TASP1: variants seen among roughly 807,000 people sequenced by gnomAD.
TASP1 encodes the protein taspase 1.
In TASP1, 16 loss-of-function variants were observed where a neutral mutation model predicts 56.6. The ratio of observed to expected loss-of-function variants is 0.28; its 90% CI spans 0.19 to 0.43. The LOEUF (loss-of-function observed/expected upper bound fraction) is 0.43, where lower values mean the gene tolerates loss of function less well. Among genes scored for constraint, TASP1 ranks in the 20% least tolerant of loss-of-function variants. The probability of loss-of-function intolerance (pLI) is 1.00; values close to 1 mark genes in which losing one functional copy is unlikely to be tolerated. For synonymous variants in TASP1, 179 were observed against 184.2 expected (o/e 0.97, Z 0.23); for missense variants, 393 against 511.6 (o/e 0.77, Z 2.24).
intron 8 of TASP1, among the ~76,000 whole-genome samples, chr20:13,554,194 G>A (rs1485275281): frequency 1.3e-5 from 2 of 152,112 alleles, no homozygotes; most frequent in Non-Finnish European, 2.9e-5. Flanking sequence ...GTTAGCCCTA[G>A]CATCATCAGA....
At chr20:13,547,976 A>G (rs76738413) in intron 8 of TASP1, among the ~76,000 whole-genome samples, 2,564 of 152,250 alleles carry the variant, frequency 0.017, 72 homozygotes, top group African/African-American at 0.056. Flanking sequence ...TTGGAGCAGC[A>G]CAATAGCTTA....
At chr20:13,540,329 CAA>C (rs2045574814) in intron 8 of TASP1, among the ~76,000 whole-genome samples, 1 of 152,116 alleles carries the variant, frequency 6.6e-6, no homozygotes, top group Non-Finnish European at 1.5e-5. Context: ...AATTCTAAAT[CAA>C]AATTTATAAG....
In TASP1 at chr20:13,630,147, A is replaced by G. The variant is rs73270744; in HGVS notation, c.-69T>C. ...ATCCAAAAGTAATTGCAGGAGAGGA[A>G]TTACCCTAAAGGAAAACAGGCAAAG... On this transcript the variant is annotated 5_prime_UTR_variant, in exon 2 of 14. Transcript: ENST00000337743. The G allele has an allele frequency of 8.6e-5, 132 of 1,537,320 alleles. No individual in the cohort carries two copies. The African/African-American group carries it at 1.7e-3, about 19-fold the overall frequency.
At chr20:13,299,489 C>T in the TASP1 span, 16 of 1,569,202 alleles carry the variant, frequency 1.0e-5, no homozygotes, top group African/African-American at 1.3e-5. The surrounding 1 kb of genome is among the most constrained non-coding windows in gnomAD (Gnocchi z 5.8). Context: ...AGGACGCTGC[C>T]TCTGGTTCTG....
intron 12 of TASP1, among the ~76,000 whole-genome samples, chr20:13,427,600 A>AG (rs2042661282): frequency 6.6e-6 from 1 of 152,214 alleles, no homozygotes; most frequent in Admixed American, 6.5e-5. Flanking sequence ...CAGGAAAAGC[A>AG]GGGGGTAAAC....
the TASP1 span, among the ~76,000 whole-genome samples, chr20:13,343,108 G>C: frequency 7.2e-5 from 11 of 152,140 alleles, no homozygotes; most frequent in African/African-American, 2.2e-4. Flanking sequence ...TCCCTTCAAC[G>C]GCCTCTCTGA....
At chr20:13,538,986 T>A (rs1453473654) in intron 8 of TASP1, among the ~76,000 whole-genome samples, 1 of 152,052 alleles carries the variant, frequency 6.6e-6, no homozygotes, top group Non-Finnish European at 1.5e-5. Context: ...AGGTGGAGGT[T>A]GCAGTGAGCC....
rs983698043 is a variant in TASP1, at chr20:13,415,228, A to C, written c.1170+2220T>G. Among the ~76,000 whole-genome samples, 6 of 152,170 alleles carry C rather than the reference A, an allele frequency of 3.9e-5. No individual in the cohort carries two copies. The South Asian group carries it at 6.2e-4, about 16-fold the overall frequency. On this transcript the variant is annotated intron_variant, in intron 13 of 13. Transcript: ENST00000337743. ...AGTTAGTTCAACTATTCTTTTATAG[A>C]AGTCAGGAAACCAGAGGGAGAGGAA...
At chr20:13,396,507 A>G (rs1423180031) in intron 13 of TASP1, among the ~76,000 whole-genome samples, 1 of 152,228 alleles carries the variant, frequency 6.6e-6, no homozygotes, top group Admixed American at 6.5e-5. Context: ...ACGGAAAATG[A>G]AGACTGGGTT....
chr20:13,299,628 G>C, the TASP1 span: 91 of 688,552 alleles, frequency 1.3e-4, no homozygotes, highest in Non-Finnish European at 2.0e-4. The surrounding 1 kb of genome is among the most constrained non-coding windows in gnomAD (Gnocchi z 5.8). Context: ...ACGCCCAGGG[G>C]ACTGCCTTGT....
chr20:13,447,854 C>A (rs2043468392), intron 11 of TASP1, among the ~76,000 whole-genome samples: 1 of 152,074 alleles, frequency 6.6e-6, no homozygotes, highest in Admixed American at 6.6e-5. Context: ...TTGCTATACT[C>A]TTTACTTATT....
the TASP1 span, among the ~76,000 whole-genome samples, chr20:13,347,188 G>A: frequency 3.2e-4 from 48 of 152,272 alleles, no homozygotes; most frequent in African/African-American, 1.1e-3. Context: ...TCTGTGAGGG[G>A]AGTCCTTCTT....
intron 11 of TASP1, among the ~76,000 whole-genome samples, chr20:13,450,726 T>A (rs1462741456): frequency 6.6e-6 from 1 of 152,104 alleles, no homozygotes; most frequent in African/African-American, 2.4e-5. Flanking sequence ...CTCCTCAAAG[T>A]CATCAATGAG....
chr20:13,110,503 T>C, the TASP1 span, among the ~76,000 whole-genome samples: 1 of 152,178 alleles, frequency 6.6e-6, no homozygotes, highest in African/African-American at 2.4e-5. Flanking sequence ...TCCACTACCT[T>C]TGACTGCCCC....
chr20:13,432,413 A>C (rs932150725), intron 12 of TASP1, among the ~76,000 whole-genome samples: 5 of 152,188 alleles, frequency 3.3e-5, no homozygotes, highest in Non-Finnish European at 5.9e-5. Context: ...GTAAAAGGTG[A>C]CTTTCACATC....
At chr20:13,545,561 T>C (rs1278089767) in intron 8 of TASP1, among the ~76,000 whole-genome samples, 1 of 152,230 alleles carries the variant, frequency 6.6e-6, no homozygotes, top group Admixed American at 6.5e-5. Context: ...TTTAACTTTA[T>C]CAACTGACAT....
At chr20:13,634,461 G>A (rs1388022171) in intron 1 of TASP1, among the ~76,000 whole-genome samples, 2 of 152,202 alleles carry the variant, frequency 1.3e-5, no homozygotes, top group Non-Finnish European at 2.9e-5. Flanking sequence ...CAGGTGTGGT[G>A]GGTCACGCTT....
intron 1 of TASP1, among the ~76,000 whole-genome samples, chr20:13,637,541 G>C (rs1568681629): frequency 6.6e-6 from 1 of 152,124 alleles, no homozygotes; most frequent in Admixed American, 6.6e-5. Flanking sequence ...TCACACAATG[G>C]AACATTACCC....
Position 13,478,387 on chromosome 20 carries a change from G to A in TASP1, c.985+4840C>T, listed in dbSNP as rs149171072. On this transcript the variant is annotated intron_variant, in intron 11 of 13. Coordinates refer to ENST00000337743, the MANE Select transcript of TASP1 (RefSeq NM_017714.3). Reference sequence around the variant, plus strand: ...CACACACACACACGAATACTATTCAGCCACAAAAAAGAATGAAATCATGTC... The same window carrying A: ...CACACACACACACGAATACTATTCAACCACAAAAAAGAATGAAATCATGTC... 1.8e-4 allele frequency among the ~76,000 whole-genome samples: 27 copies of A among 151,038 alleles called. No homozygotes were observed. The East Asian group carries it at 5.0e-3, about 28-fold the overall frequency.
Sources: allele counts gnomAD v4.1 joint callset (sites outside exome capture counted in the v4.1 genomes callset), GRCh38; gene constraint gnomAD v4.1.1; non-coding constraint Gnocchi (gnomAD v3.1); transcripts MANE v1.5; gene names NCBI Gene and HGNC (gene_info 2026-07-23, HGNC 2026-07-21).